The following HPD variants were observed in gnomAD, a reference collection of about 807,000 sequenced individuals.
The protein encoded by HPD is 4-hydroxyphenylpyruvic acid oxidase.
In HPD, 35 loss-of-function variants were observed where a neutral mutation model predicts 56.9. That is an observed-to-expected ratio of 0.62 (90% CI 0.47 to 0.82). The LOEUF is 0.82. Among genes scored for constraint, HPD ranks in the 40% least tolerant of loss-of-function variants. The probability of loss-of-function intolerance (pLI) is 0.00; values close to 1 mark genes in which losing one functional copy is unlikely to be tolerated. For synonymous variants in HPD, 186 were observed against 200.2 expected, an observed-to-expected ratio of 0.93 and a Z score of 0.60; for missense variants, 442 against 506.8, an observed-to-expected ratio of 0.87 and a Z score of 1.23.
chr12:121,841,282 T>C (rs1877399224), intron 12 of HPD, among the ~76,000 whole-genome samples: 1 of 151,666 alleles, frequency 6.6e-6, no homozygotes, highest in Non-Finnish European at 1.5e-5. Flanking sequence ...GGCAGGAGAA[T>C]TGCTTGAACC....
In HPD at chr12:121,849,063, G is replaced by C; in HGVS notation, c.532C>G (p.Leu178Val). The C allele has an allele frequency of 6.2e-7, 1 of 1,613,790 alleles. No individual in the cohort carries two copies. Among genetic ancestry groups the C allele is most frequent in the Non-Finnish European group, 8.5e-7 (1 of 1,179,792 alleles). The change falls in exon 9 of 14, where the codon CTG becomes GTG. Residue 178 changes from leucine (L) to valine (V), a missense_variant. By Grantham distance (32) the Leu-to-Val change is conservative. Coordinates refer to ENST00000289004, the MANE Select transcript of HPD (RefSeq NM_002150.3). ...CCCACAATGTGGTCGATCATCTCCA[G>C]ACTGCATTTGGGCCTGGGAAGGGAA... ...PLLPKLPKCS[L>V]EMIDHIVGNQ...
At chr12:121,846,967 TG>T in intron 10 of HPD, 34 bp from the exon 11 acceptor site, 4 of 1,613,458 alleles carry the variant, frequency 2.5e-6, no homozygotes, top group Non-Finnish European at 3.4e-6. Context: ...CACTGTCATT[TG>T]CCCCATCACC....
chr12:121,849,266 G>A (rs1248932216), intron 8 of HPD, among the ~76,000 whole-genome samples, 190 bp from the exon 9 acceptor site: 1 of 151,998 alleles, frequency 6.6e-6, no homozygotes, highest in African/African-American at 2.4e-5. Flanking sequence ...TGGGGCTCAA[G>A]TGAACCTCCT....
At chr12:121,872,170 C>T in the HPD span, among the ~76,000 whole-genome samples, 1 of 144,746 alleles carries the variant, frequency 6.9e-6, no homozygotes, top group Non-Finnish European at 1.5e-5. Flanking sequence ...ACCTGGGAGG[C>T]GGAGGTTGCA....
intron 11 of HPD, among the ~76,000 whole-genome samples, 178 bp from the exon 12 acceptor site, chr12:121,844,010 G>T (rs1477254199): frequency 6.6e-6 from 1 of 152,022 alleles, no homozygotes; most frequent in Non-Finnish European, 1.5e-5. Context: ...AACAACAACT[G>T]CTAGATTTAT....
chr12:121,858,875 G>A (rs779944994), upstream of HPD: 2 of 1,612,100 alleles, frequency 1.2e-6, no homozygotes, highest in East Asian at 4.5e-5. Context: ...GGGAGTGCTG[G>A]GCCGGAGTAT....
chr12:121,870,261 A>C, the HPD span, among the ~76,000 whole-genome samples: 1 of 152,086 alleles, frequency 6.6e-6, no homozygotes, highest in Non-Finnish European at 1.5e-5. Context: ...TGTACTAAGC[A>C]CATTCCATGC....
At chr12:121,851,487 C>T (rs570978144) in intron 7 of HPD, among the ~76,000 whole-genome samples, 1 of 151,642 alleles carries the variant, frequency 6.6e-6, no homozygotes, top group Non-Finnish European at 1.5e-5. Flanking sequence ...GCTGGGATTA[C>T]AGGCGCCTGT....
Position 121,857,443 on chromosome 12 carries a change from G to A in HPD, c.94-11C>T. The A allele has an allele frequency of 6.3e-7, 1 of 1,589,014 alleles. No homozygotes were observed. The highest frequency in any genetic ancestry group is 8.6e-7 in the Non-Finnish European group (1 of 1,157,130). On this transcript the variant is annotated splice_polypyrimidine_tract_variant and intron_variant, in intron 3 of 13. Transcript: ENST00000289004. ...GTAGAATGACGTGGCCTGAATCACA[G>A]GGTTGCAGCAGGGTTCATGAGGGTC...
intron 7 of HPD, among the ~76,000 whole-genome samples, chr12:121,853,886 G>A (rs1389438330): frequency 1.3e-5 from 2 of 151,752 alleles, no homozygotes; most frequent in African/African-American, 4.8e-5. Flanking sequence ...GCAGTGAGCT[G>A]AGATCACGCG....
chr12:121,864,360 C>T (rs1342468942), upstream of HPD, among the ~76,000 whole-genome samples: 1 of 150,590 alleles, frequency 6.6e-6, no homozygotes, highest in African/African-American at 2.4e-5. Flanking sequence ...CAAGACCAAC[C>T]TGGGCAACCT....
upstream of HPD, among the ~76,000 whole-genome samples, chr12:121,863,234 T>A (rs1446754567): frequency 6.6e-6 from 1 of 152,190 alleles, no homozygotes; most frequent in Non-Finnish European, 1.5e-5. Context: ...TCTTCCCGCC[T>A]CGGCCTCCCA....
chr12:121,879,363 AG>A, the HPD span, among the ~76,000 whole-genome samples: 202 of 152,140 alleles, frequency 1.3e-3, 5 homozygotes, highest in East Asian at 0.036. Flanking sequence ...CATAATTAAG[AG>A]GAAAAAAAAG....
chr12:121,855,083 G>C (rs1444407946), intron 6 of HPD, among the ~76,000 whole-genome samples: 1 of 152,150 alleles, frequency 6.6e-6, no homozygotes, highest in Non-Finnish European at 1.5e-5. Context: ...CCCTTCTCTA[G>C]TCCTCAATTT....
At chr12:121,884,490 G>A in the HPD span, among the ~76,000 whole-genome samples, 1 of 150,894 alleles carries the variant, frequency 6.6e-6, no homozygotes, top group African/African-American at 2.4e-5. Flanking sequence ...TTTTTTTGTA[G>A]AGACGTAAGT....
intron 4 of HPD, 188 bp from the exon 5 acceptor site, chr12:121,856,813 C>T: frequency 1.5e-6 from 1 of 649,968 alleles, no homozygotes; most frequent in Non-Finnish European, 2.8e-6. Context: ...TCAGCCAGAC[C>T]CCCTCTGGAT....
At chr12:121,875,612 G>T in the HPD span, among the ~76,000 whole-genome samples, 1 of 151,850 alleles carries the variant, frequency 6.6e-6, no homozygotes, top group Admixed American at 6.6e-5. Flanking sequence ...TTCTTATATA[G>T]ACAGGGTTTC....
chr12:121,843,467 G>C lies in HPD; in HGVS notation c.954+243C>G, dbSNP rs150688529. Among the ~76,000 whole-genome samples the C allele has an allele frequency of 2.9e-3, 437 of 152,316 alleles. 3 individuals carry two copies. Among genetic ancestry groups the C allele is most frequent in the East Asian group, 0.011 (57 of 5,184 alleles). ...TCCTCAGAGAGGCCCTCCCTGACCAGTCTCTGTAAAGCAGCCCCAGGCTGC... is the reference window on the plus strand; with the variant it reads ...TCCTCAGAGAGGCCCTCCCTGACCACTCTCTGTAAAGCAGCCCCAGGCTGC... On this transcript the variant is annotated intron_variant, in intron 12 of 13. Transcript: ENST00000289004.
the HPD span, among the ~76,000 whole-genome samples, chr12:121,885,869 G>A: frequency 2.2e-4 from 33 of 151,748 alleles, 1 homozygote; most frequent in South Asian, 5.4e-3. Flanking sequence ...GGAGGCAGGG[G>A]AATTGCTTGA....
Sources: allele counts gnomAD v4.1 joint callset (sites outside exome capture counted in the v4.1 genomes callset), GRCh38; gene constraint gnomAD v4.1.1; transcripts MANE v1.5; gene names NCBI Gene and HGNC (gene_info 2026-07-23, HGNC 2026-07-21).